ATP6V1H: variants seen among roughly 807,000 people sequenced by gnomAD.
ATP6V1H encodes the protein V-type proton ATPase subunit H.
Under a neutral mutation model 71.7 loss-of-function variants are expected in ATP6V1H, and 39 were observed. The observed-to-expected ratio is 0.54, with a 90% CI of 0.42 to 0.71. ATP6V1H has a LOEUF of 0.71. ATP6V1H is among the 30% of genes least tolerant of loss of function. The pLI is 0.00. For synonymous variants in ATP6V1H, 192 were observed against 199.3 expected, an observed-to-expected ratio of 0.96 and a Z score of 0.31; for missense variants, 509 against 594.9, an observed-to-expected ratio of 0.86 and a Z score of 1.50.
At chr8:53,750,960 A>G (rs550794845) in intron 12 of ATP6V1H, among the ~76,000 whole-genome samples, 1 of 152,296 alleles carries the variant, frequency 6.6e-6, no homozygotes, top group South Asian at 2.1e-4. Flanking sequence ...AGTGTTTTAC[A>G]TTATTATTAT....
At chr8:53,797,234 C>T (rs1176736202) in intron 8 of ATP6V1H, among the ~76,000 whole-genome samples, 3 of 152,194 alleles carry the variant, frequency 2.0e-5, no homozygotes, top group Non-Finnish European at 4.4e-5. Context: ...ATGCCAAGAA[C>T]AGGAGCTAGA....
chr8:53,737,283 C>T (rs987226026), intron 13 of ATP6V1H, among the ~76,000 whole-genome samples: 1 of 152,188 alleles, frequency 6.6e-6, no homozygotes, highest in African/African-American at 2.4e-5. Context: ...TATTTCTCTA[C>T]TTTAGCACAA....
intron 12 of ATP6V1H, among the ~76,000 whole-genome samples, chr8:53,744,331 C>T (rs1472490178): frequency 2.0e-5 from 3 of 151,888 alleles, no homozygotes; most frequent in Non-Finnish European, 2.9e-5. Flanking sequence ...ACCACACTTC[C>T]GACATCCTGA....
At chr8:53,728,210 T>C (rs770269804) in intron 13 of ATP6V1H, among the ~76,000 whole-genome samples, 1 of 152,094 alleles carries the variant, frequency 6.6e-6, no homozygotes, top group Non-Finnish European at 1.5e-5. Context: ...ACAAGGAAGG[T>C]TCCCCTACCT....
chr8:53,814,330 C>T (rs1292842192), intron 6 of ATP6V1H, among the ~76,000 whole-genome samples: 5 of 152,092 alleles, frequency 3.3e-5, no homozygotes, highest in Admixed American at 6.5e-5. Flanking sequence ...CTCACACGCA[C>T]GTGCTCTTTG....
At chr8:53,833,135 A>G (rs1232895351) in intron 2 of ATP6V1H, 49 bp from the exon 3 acceptor site, 2 of 1,449,702 alleles carry the variant, frequency 1.4e-6, no homozygotes, top group African/African-American at 2.8e-5. Context: ...TGAATATGTA[A>G]GCAAGCGATA....
intron 7 of ATP6V1H, chr8:53,806,820 C>G (rs1225410092): frequency 2.2e-6 from 1 of 453,332 alleles, no homozygotes; most frequent in Admixed American, 2.4e-5. Flanking sequence ...ATTTTATAAT[C>G]AAGTGTTGAA....
At chr8:53,771,429 G>A (rs577631597) in intron 10 of ATP6V1H, among the ~76,000 whole-genome samples, 3 of 152,146 alleles carry the variant, frequency 2.0e-5, no homozygotes, top group African/African-American at 7.2e-5. Flanking sequence ...TGGGTTGTAG[G>A]GGGCAGGCAG....
In ATP6V1H at chr8:53,814,733, C is replaced by T. The variant is rs1810390940; in HGVS notation, c.454G>A (p.Gly152Arg). 1 of 1,612,598 alleles carries T rather than the reference C, an allele frequency of 6.2e-7. No individual in the cohort carries two copies. The highest frequency in any genetic ancestry group is 8.5e-7 in the Non-Finnish European group (1 of 1,179,444). ...TCACTGCCTTCCATCAGTTCTTTTCCCCAAGCTGCTAACTTGGCAATAATT... is the reference window on the plus strand; with the variant it reads ...TCACTGCCTTCCATCAGTTCTTTTCTCCAAGCTGCTAACTTGGCAATAATT... ...ARIIAKLAAWGKELMEGSDLN... is the reference protein window; with the variant it reads ...ARIIAKLAAWRKELMEGSDLN... Residue 152 changes from glycine (G) to arginine (R), a missense_variant, in exon 6 of 14, where the codon GGA becomes AGA. This residue lies in a region of ATP6V1H where 297 missense variants were observed against 303.3 expected (regional missense o/e 0.98). Coordinates refer to ENST00000359530, the MANE Select transcript of ATP6V1H (RefSeq NM_015941.4).
At chr8:53,767,307 A>T (rs1482553725) in intron 11 of ATP6V1H, among the ~76,000 whole-genome samples, 2 of 152,200 alleles carry the variant, frequency 1.3e-5, no homozygotes, top group East Asian at 3.8e-4. Context: ...TAGAAACAGG[A>T]AACTGTGTGT....
intron 9 of ATP6V1H, among the ~76,000 whole-genome samples, chr8:53,774,722 C>T (rs1027097782): frequency 2.0e-5 from 3 of 151,900 alleles, no homozygotes; most frequent in Non-Finnish European, 4.4e-5. Flanking sequence ...AGGAATGGCA[C>T]TAGAAAAATT....
intron 4 of ATP6V1H, among the ~76,000 whole-genome samples, chr8:53,827,354 G>T (rs1287550810): frequency 6.6e-6 from 1 of 151,932 alleles, no homozygotes; most frequent in Non-Finnish European, 1.5e-5. Context: ...CTACACTCCA[G>T]CATGGGTAAC....
rs112612725 is a variant in ATP6V1H at position 53,828,585 on chromosome 8, G to A, written c.306+859C>T. ...TGAAAAAGTGCTCAGAGAGACTGAG[G>A]TCATTCTCAAGACAGTCCTGATATT... On this transcript the variant is annotated intron_variant, in intron 4 of 13. Coordinates refer to ENST00000359530, the MANE Select transcript of ATP6V1H (RefSeq NM_015941.4). 2.1e-3 allele frequency among the ~76,000 whole-genome samples: 316 copies of A among 152,144 alleles called. 3 individuals are homozygous for A. The highest frequency in any genetic ancestry group is 7.1e-3 in the African/African-American group (296 of 41,476).
chr8:53,771,981 T>C lies in ATP6V1H; in HGVS notation c.1049+8A>G. 1.2e-6 allele frequency: 2 copies of C among 1,607,856 alleles called. No homozygotes were observed. The highest frequency in any genetic ancestry group is 4.5e-5 in the East Asian group (2 of 44,792). On this transcript the variant is annotated splice_region_variant and intron_variant, in intron 10 of 13. Coordinates refer to ENST00000359530, the MANE Select transcript of ATP6V1H (RefSeq NM_015941.4). ...TCCAGCACATGAGAATTAAAAAGAA[T>C]AACACACCTAAGGTCCTGGACACTC... is the stretch of plus-strand genomic sequence containing the variant.
chr8:53,784,527 GC>G (rs1387405027), intron 9 of ATP6V1H, among the ~76,000 whole-genome samples: 1 of 152,152 alleles, frequency 6.6e-6, no homozygotes, highest in African/African-American at 2.4e-5. Context: ...GGAGCATTTA[GC>G]CCATTTACAT....
intron 12 of ATP6V1H, among the ~76,000 whole-genome samples, chr8:53,748,694 A>G (rs1000119672): frequency 6.6e-6 from 1 of 152,226 alleles, no homozygotes; most frequent in Non-Finnish European, 1.5e-5. Context: ...CATACTATAT[A>G]TGCATGGGGA....
chr8:53,771,516 G>C (rs947151267), intron 10 of ATP6V1H, among the ~76,000 whole-genome samples: 3 of 152,122 alleles, frequency 2.0e-5, no homozygotes, highest in Admixed American at 1.3e-4. Context: ...AAGATGGTGG[G>C]AGTGGCATGG....
At chr8:53,755,540 G>A (rs1362764031) in intron 12 of ATP6V1H, among the ~76,000 whole-genome samples, 2 of 149,030 alleles carry the variant, frequency 1.3e-5, no homozygotes, top group Admixed American at 1.3e-4. Flanking sequence ...TTTCCTAAGG[G>A]CCAGATAAGT....
intron 13 of ATP6V1H, among the ~76,000 whole-genome samples, chr8:53,718,087 G>A (rs548118740): frequency 6.6e-6 from 1 of 152,282 alleles, no homozygotes; most frequent in African/African-American, 2.4e-5. Flanking sequence ...TGTGCGTCTG[G>A]TCACAGACAG....
Sources: allele counts gnomAD v4.1 joint callset (sites outside exome capture counted in the v4.1 genomes callset), GRCh38; gene constraint gnomAD v4.1.1; regional missense constraint gnomAD v4.1.1; transcripts MANE v1.5; gene names NCBI Gene and HGNC (gene_info 2026-07-23, HGNC 2026-07-21).